NAT10: variants seen among roughly 807,000 people sequenced by gnomAD.
The protein encoded by NAT10 is RNA cytidine acetyltransferase.
A neutral mutation model predicts 132.2 loss-of-function variants in NAT10; 109 were observed. The observed-to-expected ratio is 0.82, with a 90% CI of 0.71 to 0.97. NAT10 has a LOEUF of 0.97. Among genes scored for constraint, NAT10 ranks in the 50% least tolerant of loss-of-function variants. NAT10 has a pLI of 0.00. For synonymous variants in NAT10, 479 were observed against 478.0 expected, an observed-to-expected ratio of 1.00 and a Z score of -0.03; for missense variants, 1,184 against 1,263.4, an observed-to-expected ratio of 0.94 and a Z score of 0.95.
chr11:34,127,431 A>C (rs562317184), intron 11 of NAT10, 32 bp from the exon 12 acceptor site: 1 of 1,579,076 alleles, frequency 6.3e-7, no homozygotes, highest in Admixed American at 1.7e-5. Flanking sequence ...TGAGTTCACT[A>C]TGCTAATAAT....
chr11:34,131,572 G>C lies in NAT10; in HGVS notation c.1520+41G>C, dbSNP rs1163815186. The C allele has an allele frequency of 3.2e-6, 5 of 1,563,936 alleles. No homozygotes were observed. The African/African-American group carries it at 6.8e-5, about 21-fold the overall frequency. On this transcript the variant is annotated intron_variant, in intron 14 of 28. Coordinates refer to ENST00000257829, the MANE Select transcript of NAT10 (RefSeq NM_024662.3). ...TTTCACTGGCCCTGTGAAAAGGAGA[G>C]GGGCGGTGAAAGAATTCAAAGGACT...
At chr11:34,133,442 A>G (rs1252838413) in intron 16 of NAT10, among the ~76,000 whole-genome samples, 4 of 152,224 alleles carry the variant, frequency 2.6e-5, no homozygotes, top group Non-Finnish European at 5.9e-5. Context: ...TACAAAAGCA[A>G]TACATGGTGC....
intron 6 of NAT10, among the ~76,000 whole-genome samples, chr11:34,117,327 T>A (rs1425031177): frequency 1.3e-5 from 2 of 152,168 alleles, no homozygotes; most frequent in Admixed American, 1.3e-4. Flanking sequence ...CTGGGGACAT[T>A]TGGCAATGTC....
At chr11:34,108,394 T>C in intron 2 of NAT10, 61 bp downstream of exon 2, 1 of 1,345,994 alleles carries the variant, frequency 7.4e-7, no homozygotes, top group Non-Finnish European at 1.1e-6. Context: ...TCAGCATGTT[T>C]AAGCACTCTG....
rs537900368 is a variant in NAT10 at position 34,122,291 on chromosome 11, G to A, written c.781-168G>A. Among the ~76,000 whole-genome samples the A allele has an allele frequency of 1.3e-4, 20 of 151,258 alleles. 1 individual carries two copies. Among genetic ancestry groups the A allele is most frequent in the Non-Finnish European group, 2.5e-4 (17 of 67,804 alleles). On this transcript the variant is annotated intron_variant, in intron 8 of 28. Coordinates refer to ENST00000257829, the MANE Select transcript of NAT10 (RefSeq NM_024662.3). The stretch of plus-strand genomic sequence containing the variant: ...AAAGGCCTTGAGACTGAAATGAGAT[G>A]ACCAAGGGAGTGAGAAGTCCAGGTG...
At chr11:34,108,116 T>C (rs927364661) in intron 1 of NAT10, 95 bp from the exon 2 acceptor site, 1 of 749,538 alleles carries the variant, frequency 1.3e-6, no homozygotes, top group Non-Finnish European at 2.3e-6. Flanking sequence ...CTTATAGATA[T>C]GCCTAGCACA....
chr11:34,143,470 G>C lies in NAT10; in HGVS notation c.2911G>C (p.Glu971Gln). The stretch of plus-strand genomic sequence containing the variant: ...ATACATAATCCGTGGGGACGATGAA[G>C]AGTGGAATGAAGTTTTGAACAAAGC... ...SEYIIRGDDE[E>Q]WNEVLNKAGP... Residue 971 changes from glutamate (E) to glutamine (Q), a missense_variant, in exon 28 of 29, where the codon GAG becomes CAG. By Grantham distance (29) the Glu-to-Gln change is conservative. Transcript: ENST00000257829. 1 of 1,614,076 alleles carries C rather than the reference G, an allele frequency of 6.2e-7. No individual in the cohort carries two copies. Among genetic ancestry groups the C allele is most frequent in the Non-Finnish European group, 8.5e-7 (1 of 1,179,982 alleles).
intron 10 of NAT10, 143 bp downstream of exon 10, chr11:34,123,998 C>T (rs569372499): frequency 1.3e-3 from 789 of 622,986 alleles, no homozygotes; most frequent in African/African-American, 3.0e-3. Context: ...AGAGAAACCC[C>T]GTCTCTACTA....
chr11:34,112,567 T>G (rs1456701496), intron 4 of NAT10, among the ~76,000 whole-genome samples: 1 of 152,248 alleles, frequency 6.6e-6, no homozygotes, highest in East Asian at 1.9e-4. Context: ...AAGACTTTTT[T>G]TGTCCAGTGA....
intron 4 of NAT10, 73 bp from the exon 5 acceptor site, chr11:34,113,636 CAAAAAAA>C (rs34445882): frequency 2.6e-4 from 233 of 906,464 alleles, no homozygotes; most frequent in East Asian, 5.1e-4. Flanking sequence ...GACTCCATCT[CAAAAAAA>C]AAAAAAAAAA....
chr11:34,113,295 C>T (rs1277559358), intron 4 of NAT10, among the ~76,000 whole-genome samples: 4 of 152,128 alleles, frequency 2.6e-5, no homozygotes, highest in Admixed American at 1.3e-4. Flanking sequence ...AGGATTTTAT[C>T]AGAGACATTT....
chr11:34,117,079 T>C (rs1411250476), intron 6 of NAT10, among the ~76,000 whole-genome samples: 1 of 152,192 alleles, frequency 6.6e-6, no homozygotes, highest in Admixed American at 6.5e-5. Flanking sequence ...GGTTTGGCCA[T>C]ATATGTCTGG....
chr11:34,134,677 C>T, intron 18 of NAT10, 91 bp downstream of exon 18: 1 of 1,117,918 alleles, frequency 8.9e-7, no homozygotes, highest in African/African-American at 1.6e-5. Context: ...GCTGGTCAAG[C>T]AGAAGCAAGT....
chr11:34,146,298 G>A lies in NAT10; in HGVS notation c.*106G>A. On this transcript the variant is annotated 3_prime_UTR_variant, in exon 29 of 29. Coordinates refer to ENST00000257829, the MANE Select transcript of NAT10 (RefSeq NM_024662.3). Reference sequence around the variant, plus strand: ...AGCAACGAGAGGCCCCGGCACACCTGGAAGCTGGCCGCGAATTCGGCCTCT... The same window carrying A: ...AGCAACGAGAGGCCCCGGCACACCTAGAAGCTGGCCGCGAATTCGGCCTCT... The A allele has an allele frequency of 2.4e-6, 2 of 824,968 alleles. No individual in the cohort carries two copies. The allele number at this position is 824,968 out of a possible 1,614,324, so 51.1% of individuals were successfully genotyped here. A position where few individuals can be genotyped will look rare whatever the true frequency, so the allele number is the denominator to read the frequency against.
In NAT10 at chr11:34,146,216, G is replaced by C; in HGVS notation, c.*24G>C. ...AGTGAAGAGAAACTCGGGCATCTGTGTTTGATCATGGGAAGATACTCTCAC... is the reference window on the plus strand; with the variant it reads ...AGTGAAGAGAAACTCGGGCATCTGTCTTTGATCATGGGAAGATACTCTCAC... On this transcript the variant is annotated 3_prime_UTR_variant, in exon 29 of 29. Transcript: ENST00000257829. 6.6e-7 allele frequency: 1 copy of C among 1,520,144 alleles called. No individual in the cohort carries two copies. The highest frequency in any genetic ancestry group is 2.3e-5 in the East Asian group (1 of 43,768). The allele number at this position is 1,520,144 out of a possible 1,614,324, so 94.2% of individuals were successfully genotyped here. A position where few individuals can be genotyped will look rare whatever the true frequency, so the allele number is the denominator to read the frequency against.
chr11:34,135,995 T>C (rs1331276344), intron 19 of NAT10, among the ~76,000 whole-genome samples: 2 of 151,842 alleles, frequency 1.3e-5, no homozygotes, highest in African/African-American at 4.8e-5. Context: ...GCTCAGAGGT[T>C]TGTCACTTCC....
chr11:34,134,199 G>T, intron 16 of NAT10, 120 bp from the exon 17 acceptor site: 1 of 823,196 alleles, frequency 1.2e-6, no homozygotes, highest in Non-Finnish European at 2.1e-6. Flanking sequence ...CAGTGTCAGG[G>T]TTAAACCTGA....
chr11:34,108,871 AT>A (rs1851643934), intron 3 of NAT10, 38 bp downstream of exon 3: 1 of 1,542,142 alleles, frequency 6.5e-7, no homozygotes, highest in Non-Finnish European at 8.8e-7. Flanking sequence ...CCAACTTACA[AT>A]TCCTGCTCAT....
intron 9 of NAT10, 129 bp downstream of exon 9, chr11:34,122,721 C>A: frequency 8.0e-7 from 1 of 1,243,058 alleles, no homozygotes; most frequent in Non-Finnish European, 1.1e-6. Flanking sequence ...TGTGTGATTT[C>A]TCTAGGTCTT....
Sources: allele counts gnomAD v4.1 joint callset (sites outside exome capture counted in the v4.1 genomes callset), GRCh38; gene constraint gnomAD v4.1.1; transcripts MANE v1.5; gene names NCBI Gene and HGNC (gene_info 2026-07-23, HGNC 2026-07-21).